SYT7: variants seen among roughly 807,000 people sequenced by gnomAD.
The protein encoded by SYT7 is synaptotagmin 7.
A neutral mutation model predicts 75.1 loss-of-function variants in SYT7; 29 were observed. That is an observed-to-expected ratio of 0.39 (90% CI 0.29 to 0.53). The LOEUF is 0.53. Among genes scored for constraint, SYT7 ranks in the 20% least tolerant of loss-of-function variants. SYT7 has a pLI of 0.77. For missense variants in SYT7, 693 were observed against 953.2 expected, an observed-to-expected ratio of 0.73 and a Z score of 3.59; for synonymous variants, 376 against 401.7, an observed-to-expected ratio of 0.94 and a Z score of 0.76.
intron 2 of SYT7, among the ~76,000 whole-genome samples, chr11:61,555,670 T>TGGAGGGGAGCGGGCAGAGG (rs2063480225): frequency 6.6e-6 from 1 of 151,770 alleles, no homozygotes; most frequent in Non-Finnish European, 1.5e-5. Flanking sequence ...GCCACGCCCA[T>TGGAGGGGAGCGGGCAGAGG]GGAGGGGAGC....
rs2062114533 is a variant in SYT7, at chr11:61,514,938, T to G, written c.*3689A>C. ...GGTGGGAAAGCTGGAGCGTCCCCCT[T>G]TGGTTTGTCTGAGCTGCCTTGGAGG... On this transcript the variant is annotated 3_prime_UTR_variant, in exon 13 of 13. Transcript: ENST00000539008. 6.6e-6 allele frequency among the ~76,000 whole-genome samples: 1 copy of G among 152,026 alleles called. No individual in the cohort carries two copies. The highest frequency in any genetic ancestry group is 2.4e-5 in the African/African-American group (1 of 41,384).
intron 8 of SYT7, 46 bp from the exon 9 acceptor site, chr11:61,528,231 TC>T: frequency 6.3e-7 from 1 of 1,588,340 alleles, no homozygotes. Context: ...GGATTCTGCT[TC>T]CCCCATGTCC....
At position 61,524,156 on chromosome 11, in the gene SYT7, G is replaced by C. The variant is rs1257133213; in HGVS notation, c.1641+207C>G. ...CCCTGTTCCCTGAACATAGCCCTAGGTTCCTTCTTACAGATCGGGTGAGTC... is the reference window on the plus strand; with the variant it reads ...CCCTGTTCCCTGAACATAGCCCTAGCTTCCTTCTTACAGATCGGGTGAGTC... On this transcript the variant is annotated intron_variant, in intron 10 of 12. Coordinates refer to ENST00000539008, the MANE Select transcript of SYT7 (RefSeq NM_001365809.2). The surrounding 1 kb of genome is among the most constrained non-coding windows in gnomAD (Gnocchi z 4.1). Among the ~76,000 whole-genome samples, 1 of 152,132 alleles carries C rather than the reference G, an allele frequency of 6.6e-6. No individual in the cohort carries two copies. The highest frequency in any genetic ancestry group is 2.4e-5 in the African/African-American group (1 of 41,402).
rs558212998 is a variant in SYT7 at position 61,542,231 on chromosome 11, G to A, written c.921C>T (p.Gly307=). Reference sequence around the variant, plus strand: ...CTTACAGGAAGGATTTCATGTCCAAGCCTCGGTTTCGAATCTGCCCCACCA... The same window carrying A: ...CTTACAGGAAGGATTTCATGTCCAAACCTCGGTTTCGAATCTGCCCCACCA... ...DHVVGQIRNR[G]LDMKSFLEGR... is the part of the protein sequence containing the mutation. The change falls in exon 6 of 13, where the codon GGC becomes GGT. Residue 307 remains glycine, a synonymous_variant. Coordinates refer to ENST00000539008, the MANE Select transcript of SYT7 (RefSeq NM_001365809.2). The surrounding 1 kb of genome is among the most constrained non-coding windows in gnomAD (Gnocchi z 7.8). The A allele has an allele frequency of 2.0e-6, 3 of 1,534,766 alleles. No homozygotes were observed. Among genetic ancestry groups the A allele is most frequent in the Non-Finnish European group, 2.6e-6 (3 of 1,146,300 alleles).
At chr11:61,566,150 G>A (rs529650975) in intron 1 of SYT7, among the ~76,000 whole-genome samples, 1 of 152,336 alleles carries the variant, frequency 6.6e-6, no homozygotes, top group East Asian at 1.9e-4. Context: ...ACATGGCCTT[G>A]GTAATAATGG....
intron 6 of SYT7, among the ~76,000 whole-genome samples, chr11:61,541,728 G>A (rs1565183114): frequency 6.6e-6 from 1 of 151,458 alleles, no homozygotes; most frequent in Non-Finnish European, 1.5e-5. Flanking sequence ...GAGGGAGGGA[G>A]GGAGGGGTGT....
chr11:61,569,132 G>T (rs2063852178), intron 1 of SYT7, among the ~76,000 whole-genome samples: 2 of 152,144 alleles, frequency 1.3e-5, no homozygotes, highest in African/African-American at 4.8e-5. Flanking sequence ...CCATTGGTTG[G>T]CTCAGCTTTA....
intron 1 of SYT7, among the ~76,000 whole-genome samples, chr11:61,575,724 G>A (rs535776926): frequency 9.9e-5 from 15 of 152,246 alleles, no homozygotes; most frequent in South Asian, 4.1e-4. Flanking sequence ...AAAGCTTTCC[G>A]TCATAGCTCC....
chr11:61,530,779 G>A (rs892988663), intron 8 of SYT7: 2 of 983,878 alleles, frequency 2.0e-6, no homozygotes, highest in Non-Finnish European at 2.4e-6. Flanking sequence ...CTGGGAAAGG[G>A]GTGGCAGCTC....
upstream of SYT7, among the ~76,000 whole-genome samples, chr11:61,582,685 G>T (rs1353007523): frequency 6.6e-6 from 1 of 152,186 alleles, no homozygotes; most frequent in African/African-American, 2.4e-5. Context: ...CGTAGGTTAA[G>T]GCCACAATTC....
In SYT7 at chr11:61,546,160, G is replaced by A; in HGVS notation, c.443C>T (p.Pro148Leu). The A allele has an allele frequency of 1.3e-6, 2 of 1,525,618 alleles. No individual in the cohort carries two copies. Among genetic ancestry groups the A allele is most frequent in the East Asian group, 2.5e-5 (1 of 39,750 alleles). 94.5% of individuals were successfully genotyped at this position (1,525,618 alleles called of 1,614,324 possible). Residue 148 changes from proline to leucine, a missense_variant, in exon 5 of 13, where the codon CCA (proline) becomes CTA (leucine). Pro to Leu is a moderately conservative substitution (Grantham distance 98). Coordinates refer to ENST00000539008, the MANE Select transcript of SYT7 (RefSeq NM_001365809.2). The surrounding 1 kb of genome is among the most constrained non-coding windows in gnomAD (Gnocchi z 7.6). Reference sequence around the variant, plus strand: ...GCTTCTCAAGGCGTCCTCTCCGGGTGGCGGCACCGGTGCCGGCTTCTCCCC... The same window carrying A: ...GCTTCTCAAGGCGTCCTCTCCGGGTAGCGGCACCGGTGCCGGCTTCTCCCC... ...RLGEKPAPVP[P>L]PGEDALRSGG...
intron 5 of SYT7, among the ~76,000 whole-genome samples, chr11:61,545,413 C>A (rs752253625): frequency 6.6e-6 from 1 of 152,218 alleles, no homozygotes; most frequent in Non-Finnish European, 1.5e-5. Context: ...ACTGGGACAG[C>A]CAACGGGGAT....
At chr11:61,583,133 G>A (rs1008245228), upstream of SYT7, among the ~76,000 whole-genome samples, 1 of 151,964 alleles carries the variant, frequency 6.6e-6, no homozygotes, top group Non-Finnish European at 1.5e-5. Context: ...AGGCTGCGAC[G>A]GGAGGATGGC....
At position 61,540,554 on chromosome 11, in the gene SYT7, A is replaced by T. The variant is rs533555749; in HGVS notation, c.941+1657T>A. 2.1e-3 allele frequency: 2,108 copies of T among 985,528 alleles called. 5 individuals are homozygous for T. Among genetic ancestry groups the T allele is most frequent in the Non-Finnish European group, 2.5e-3 (2,034 of 829,960 alleles). The allele number at this position is 985,528 out of a possible 1,614,324, so 61.0% of individuals were successfully genotyped here. On this transcript the variant is annotated intron_variant, in intron 6 of 12. Coordinates refer to ENST00000539008, the MANE Select transcript of SYT7 (RefSeq NM_001365809.2). ...GGTTGCCAGCAACTAGGGGGACATG[A>T]GACTTGTCCTGGGGCACAGAGCAGG...
chr11:61,531,049 G>C, intron 8 of SYT7: 1 of 985,444 alleles, frequency 1.0e-6, no homozygotes, highest in South Asian at 4.7e-5. Context: ...CCAGCTCTGG[G>C]TGCTTAACTC....
At chr11:61,519,232 G>C (rs2062234148) in intron 12 of SYT7, among the ~76,000 whole-genome samples, 1 of 152,226 alleles carries the variant, frequency 6.6e-6, no homozygotes, top group African/African-American at 2.4e-5. Context: ...AGAGTTAAGA[G>C]ACTTACCCAC....
At chr11:61,561,569 G>T (rs940378162) in intron 1 of SYT7, among the ~76,000 whole-genome samples, 5 of 152,198 alleles carry the variant, frequency 3.3e-5, no homozygotes, top group African/African-American at 1.2e-4. Flanking sequence ...TGGACAAGAT[G>T]TCCATGCACA....
At chr11:61,548,928 C>T (rs573965275) in intron 3 of SYT7, among the ~76,000 whole-genome samples, 1 of 152,276 alleles carries the variant, frequency 6.6e-6, no homozygotes, top group South Asian at 2.1e-4. Context: ...AAAGCCAAAG[C>T]GTAGAGCCAG....
intron 12 of SYT7, among the ~76,000 whole-genome samples, chr11:61,519,892 C>A (rs1468676951): frequency 6.6e-6 from 1 of 152,230 alleles, no homozygotes; most frequent in Non-Finnish European, 1.5e-5. Flanking sequence ...ACGATCTCGA[C>A]TCACTGCAAC....
Sources: allele counts gnomAD v4.1 joint callset (sites outside exome capture counted in the v4.1 genomes callset), GRCh38; gene constraint gnomAD v4.1.1; non-coding constraint Gnocchi (gnomAD v3.1); transcripts MANE v1.5; gene names NCBI Gene and HGNC (gene_info 2026-07-23, HGNC 2026-07-21).